GUCY1A2: variants seen among roughly 807,000 people sequenced by gnomAD.
GUCY1A2 encodes guanylate cyclase soluble subunit alpha-2.
In GUCY1A2, 27 loss-of-function variants were observed where a neutral mutation model predicts 63.5. The observed-to-expected ratio is 0.43, with a 90% CI of 0.31 to 0.59. The LOEUF (loss-of-function observed/expected upper bound fraction) is 0.59. Among genes scored for constraint, GUCY1A2 ranks in the 20% least tolerant of loss-of-function variants. The pLI is 0.11. For missense variants in GUCY1A2, 768 were observed against 913.3 expected, an observed-to-expected ratio of 0.84 and a Z score of 2.05; for synonymous variants, 364 against 343.5, an observed-to-expected ratio of 1.06 and a Z score of -0.66.
At chr11:107,012,334 G>A (rs975872873) in intron 1 of GUCY1A2, among the ~76,000 whole-genome samples, 1 of 147,888 alleles carries the variant, frequency 6.8e-6, no homozygotes, top group African/African-American at 2.6e-5. Flanking sequence ...ACTAGCAAGT[G>A]AATTATTGAG....
At chr11:106,809,407 G>A (rs1439756731) in intron 5 of GUCY1A2, among the ~76,000 whole-genome samples, 1 of 152,040 alleles carries the variant, frequency 6.6e-6, no homozygotes, top group Admixed American at 6.6e-5. Context: ...AACCAACCAT[G>A]GTGGTTGGCA....
intron 4 of GUCY1A2, among the ~76,000 whole-genome samples, chr11:106,911,914 C>G (rs970445243): frequency 6.6e-6 from 1 of 151,838 alleles, no homozygotes; most frequent in African/African-American, 2.4e-5. Context: ...TTCTGGTATT[C>G]CAATTAATCA....
chr11:106,873,489 G>A (rs12806558), intron 4 of GUCY1A2, among the ~76,000 whole-genome samples: 2 of 152,162 alleles, frequency 1.3e-5, no homozygotes, highest in African/African-American at 4.8e-5. Flanking sequence ...GTATCTCAGT[G>A]TGGTTTTGAT....
chr11:107,003,905 A>C (rs780096520), intron 1 of GUCY1A2, among the ~76,000 whole-genome samples: 1 of 152,196 alleles, frequency 6.6e-6, no homozygotes, highest in African/African-American at 2.4e-5. Context: ...ATTGGGCACA[A>C]GGAGAAGTTG....
In GUCY1A2 at chr11:106,940,139, T is replaced by C. The variant is rs1206163424; in HGVS notation, c.527A>G (p.Glu176Gly). 6.2e-7 allele frequency: 1 copy of C among 1,602,586 alleles called. No homozygotes were observed. ...CTCATGAAAGCATATATTAAAGAAC[T>C]CTTCACCAAATCTTTTTTGAATTTC... ...FEEIQKRFGE[E>G]FFNICFHENE... The change falls in exon 4 of 8, where the codon GAG (glutamate) becomes GGG (glycine). Residue 176 changes from glutamate to glycine, a missense_variant. Glu to Gly is a moderately conservative substitution (Grantham distance 98). Coordinates refer to ENST00000526355, the MANE Select transcript of GUCY1A2 (RefSeq NM_000855.3).
rs535133449 is a variant in GUCY1A2 at position 106,682,862 on chromosome 11, C to T, written c.*4687G>A. The T allele has an allele frequency of 1.2e-4, 26 of 216,136 alleles. No homozygotes were observed. The highest frequency in any genetic ancestry group is 3.8e-4 in the African/African-American group (17 of 44,526). 13.4% of individuals were successfully genotyped at this position (216,136 alleles called of 1,614,324 possible). Reference sequence around the variant, plus strand: ...AACAAGGGATGGAAGAACAGTCATACGCAGGTTTCAATTGTTTGGATCAAG... The same window carrying T: ...AACAAGGGATGGAAGAACAGTCATATGCAGGTTTCAATTGTTTGGATCAAG... On this transcript the variant is annotated 3_prime_UTR_variant, in exon 8 of 8. Transcript: ENST00000526355.
intron 4 of GUCY1A2, among the ~76,000 whole-genome samples, chr11:106,850,639 A>G (rs977492293): frequency 4.0e-5 from 6 of 151,826 alleles, no homozygotes; most frequent in Admixed American, 2.0e-4. Flanking sequence ...TGTGTTTAAT[A>G]TAATGTCCTC....
At position 106,682,919 on chromosome 11, in the gene GUCY1A2, T is replaced by A. The variant is rs1862455712; in HGVS notation, c.*4630A>T. Reference sequence around the variant, plus strand: ...GAAGGAATTTTGCACACTATCTCAGTATAGCCTGACAAGATTGTTAATCTG... The same window carrying A: ...GAAGGAATTTTGCACACTATCTCAGAATAGCCTGACAAGATTGTTAATCTG... On this transcript the variant is annotated 3_prime_UTR_variant, in exon 8 of 8. Coordinates refer to ENST00000526355, the MANE Select transcript of GUCY1A2 (RefSeq NM_000855.3). The A allele has an allele frequency of 4.6e-6, 1 of 216,124 alleles. No homozygotes were observed. The highest frequency in any genetic ancestry group is 1.9e-4 in the South Asian group (1 of 5,392). The allele number at this position is 216,124 out of a possible 1,614,324, so 13.4% of individuals were successfully genotyped here.
At chr11:106,797,209 A>T (rs1036074128) in intron 5 of GUCY1A2, among the ~76,000 whole-genome samples, 2 of 151,996 alleles carry the variant, frequency 1.3e-5, no homozygotes, top group African/African-American at 2.4e-5. Flanking sequence ...CTTCTTTGCG[A>T]TGTGTTCGAA....
At chr11:106,797,949 G>C (rs897557530) in intron 5 of GUCY1A2, among the ~76,000 whole-genome samples, 1 of 151,818 alleles carries the variant, frequency 6.6e-6, no homozygotes, top group East Asian at 1.9e-4. Context: ...AGACACAAAA[G>C]ACCCTTCAAA....
intron 3 of GUCY1A2, among the ~76,000 whole-genome samples, chr11:106,977,443 T>C (rs1041290710): frequency 2.0e-5 from 3 of 152,232 alleles, no homozygotes; most frequent in African/African-American, 7.2e-5. Flanking sequence ...TCCTGCATGC[T>C]GTTATAGACA....
At chr11:106,946,247 AAG>A (rs1860826933) in intron 3 of GUCY1A2, among the ~76,000 whole-genome samples, 1 of 152,156 alleles carries the variant, frequency 6.6e-6, no homozygotes, top group Non-Finnish European at 1.5e-5. Flanking sequence ...TAATTCTACT[AAG>A]AGAAAAAGGA....
intron 4 of GUCY1A2, chr11:106,827,477 A>G (rs1465680826): frequency 6.8e-7 from 1 of 1,462,800 alleles, no homozygotes. Flanking sequence ...TGTTTCTGAA[A>G]TTCCTGAGCA....
chr11:106,735,631 T>C (rs966141209), intron 6 of GUCY1A2, among the ~76,000 whole-genome samples: 1 of 152,214 alleles, frequency 6.6e-6, no homozygotes, highest in African/African-American at 2.4e-5. Context: ...TGATTTCCTT[T>C]CTGTGGGGTA....
intron 6 of GUCY1A2, among the ~76,000 whole-genome samples, chr11:106,719,350 A>G (rs1427593035): frequency 6.6e-6 from 1 of 152,110 alleles, no homozygotes; most frequent in African/African-American, 2.4e-5. Flanking sequence ...GATTTAAAAA[A>G]CTTTAAATAT....
At chr11:107,016,982 G>A (rs1861832324) in intron 1 of GUCY1A2, among the ~76,000 whole-genome samples, 1 of 152,090 alleles carries the variant, frequency 6.6e-6, no homozygotes, top group African/African-American at 2.4e-5. Context: ...CACACGTTTG[G>A]TACCTATGTA....
intron 4 of GUCY1A2, among the ~76,000 whole-genome samples, chr11:106,896,211 AG>A (rs1860047216): frequency 3.3e-5 from 5 of 151,992 alleles, no homozygotes; most frequent in African/African-American, 7.2e-5. Flanking sequence ...AGGCTAAAGA[AG>A]AAAAACATCA....
chr11:106,709,497 TAATAA>T lies in GUCY1A2; in HGVS notation c.1837-836_1837-832del, dbSNP rs1565264784. 4.8e-3 allele frequency among the ~76,000 whole-genome samples: 253 copies of T among 52,752 alleles called. 25 individuals carry two copies. The highest frequency in any genetic ancestry group is 5.9e-3 in the Non-Finnish European group (203 of 34,272). The allele number at this position is 52,752 out of a possible 152,430, so 34.6% of individuals were successfully genotyped here. On this transcript the variant is annotated intron_variant, in intron 6 of 7. Transcript: ENST00000526355. ...ATATTATTATATATTTATATATATATAATAATATATATTATTCTATAAATATAATA... is the reference window on the plus strand; with the variant it reads ...ATATTATTATATATTTATATATATATTATATATTATTCTATAAATATAATA...
At chr11:106,934,779 G>A (rs1373795962) in intron 4 of GUCY1A2, among the ~76,000 whole-genome samples, 1 of 152,124 alleles carries the variant, frequency 6.6e-6, no homozygotes, top group Non-Finnish European at 1.5e-5. Context: ...CAGGGATGAT[G>A]TATTTCAAAT....
Sources: allele counts gnomAD v4.1 joint callset (sites outside exome capture counted in the v4.1 genomes callset), GRCh38; gene constraint gnomAD v4.1.1; transcripts MANE v1.5; gene names NCBI Gene and HGNC (gene_info 2026-07-23, HGNC 2026-07-21).